The following UNC13C variants were observed in gnomAD, a reference collection of about 807,000 sequenced individuals.
UNC13C encodes the protein protein unc-13 homolog C.
Under a neutral mutation model 245.4 loss-of-function variants are expected in UNC13C, and 174 were observed. The ratio of observed to expected loss-of-function variants is 0.71; its 90% CI spans 0.63 to 0.80. The LOEUF is 0.80. Among genes scored for constraint, UNC13C ranks in the 30% least tolerant of loss-of-function variants. The probability of loss-of-function intolerance (pLI) is 0.00; values close to 1 mark genes in which losing one functional copy is unlikely to be tolerated. For missense variants in UNC13C, 2,829 were observed against 2,602.9 expected (o/e 1.09, Z -1.89); for synonymous variants, 992 against 895.1 (o/e 1.11, Z -1.93).
chr15:54,217,779 C>T (rs977738223), intron 4 of UNC13C, among the ~76,000 whole-genome samples: 1 of 126,558 alleles, frequency 7.9e-6, no homozygotes, highest in African/African-American at 2.5e-5. Context: ...ATTTCAGGCT[C>T]TTATCTTCTT....
intron 2 of UNC13C, among the ~76,000 whole-genome samples, chr15:54,121,366 T>C (rs1284171942): frequency 6.6e-6 from 1 of 152,074 alleles, no homozygotes; most frequent in Admixed American, 6.6e-5. Flanking sequence ...AATTAAGGCA[T>C]GCACATTATT....
the UNC13C span, among the ~76,000 whole-genome samples, chr15:53,889,481 A>G: frequency 6.6e-6 from 1 of 152,180 alleles, no homozygotes; most frequent in African/African-American, 2.4e-5. Context: ...CTAAATATAC[A>G]ATCATGTCAT....
In UNC13C at chr15:54,265,480, G is replaced by A. The variant is rs1176342761; in HGVS notation, c.3802G>A (p.Asp1268Asn). The change falls in exon 10 of 33, where the codon GAT becomes AAT. Residue 1268 changes from aspartate to asparagine, a missense_variant. By Grantham distance (23) the Asp-to-Asn change is conservative (BLOSUM62 1). Transcript: ENST00000260323. ...TTTTGGAAATTTGAATCCAGTATGG[G>A]ATGAGAAGTTTTATTTGTGAGTATA... ...TIFGNLNPVWDEKFYFECHNS... is the reference protein window; with the variant it reads ...TIFGNLNPVWNEKFYFECHNS... 6.5e-7 allele frequency: 1 copy of A among 1,546,042 alleles called. No homozygotes were observed. The highest frequency in any genetic ancestry group is 8.8e-7 in the Non-Finnish European group (1 of 1,142,662).
the UNC13C span, among the ~76,000 whole-genome samples, chr15:53,932,169 C>T: frequency 8.6e-5 from 13 of 151,856 alleles, no homozygotes; most frequent in South Asian, 2.1e-4. Flanking sequence ...ATTAGCTGGG[C>T]GTGGTGGCAC....
At chr15:53,978,318 G>T (rs546956534), upstream of UNC13C, among the ~76,000 whole-genome samples, 1 of 152,108 alleles carries the variant, frequency 6.6e-6, no homozygotes, top group Admixed American at 6.5e-5. Context: ...GCTACAGTGC[G>T]TCTCCTGTGA....
intron 1 of UNC13C, among the ~76,000 whole-genome samples, chr15:53,992,692 G>T (rs1416331141): frequency 6.6e-6 from 1 of 152,088 alleles, no homozygotes; most frequent in Non-Finnish European, 1.5e-5. Flanking sequence ...TAACTCTTAT[G>T]ATTAATTCCT....
chr15:54,383,648 TGGTG>T, intron 17 of UNC13C, among the ~76,000 whole-genome samples: 1 of 152,248 alleles, frequency 6.6e-6, no homozygotes, highest in Non-Finnish European at 1.5e-5. Context: ...CTATGCAACA[TGGTG>T]CTGGAAGTCT....
the UNC13C span, among the ~76,000 whole-genome samples, chr15:53,942,406 G>T: frequency 1.3e-5 from 2 of 152,082 alleles, no homozygotes; most frequent in African/African-American, 4.8e-5. Context: ...TGTTGGTGGG[G>T]ATGAGGGGAG....
At chr15:54,601,274 A>G (rs981397916) in intron 30 of UNC13C, among the ~76,000 whole-genome samples, 1 of 152,228 alleles carries the variant, frequency 6.6e-6, no homozygotes, top group African/African-American at 2.4e-5. Context: ...CAGGGAATCC[A>G]GAGGGTAATA....
intron 19 of UNC13C, among the ~76,000 whole-genome samples, chr15:54,464,661 G>A (rs990710043): frequency 1.3e-5 from 2 of 152,036 alleles, no homozygotes; most frequent in Non-Finnish European, 2.9e-5. Context: ...AATTTTAGAA[G>A]GAAGAACCTT....
chr15:53,902,309 G>A, the UNC13C span, among the ~76,000 whole-genome samples: 1 of 152,148 alleles, frequency 6.6e-6, no homozygotes, highest in Non-Finnish European at 1.5e-5. Flanking sequence ...ACAGGAGACA[G>A]ACAGATTGAA....
chr15:53,859,338 C>G, the UNC13C span, among the ~76,000 whole-genome samples: 1 of 152,090 alleles, frequency 6.6e-6, no homozygotes, highest in African/African-American at 2.4e-5. Flanking sequence ...ACAAAAATTA[C>G]AAATATGAAT....
intron 22 of UNC13C, among the ~76,000 whole-genome samples, chr15:54,503,187 A>C (rs1222598330): frequency 6.6e-6 from 1 of 152,184 alleles, no homozygotes; most frequent in Non-Finnish European, 1.5e-5. Flanking sequence ...AACAATATCC[A>C]ATTGTCAGCA....
chr15:54,030,273 G>C (rs1464642382), intron 2 of UNC13C, among the ~76,000 whole-genome samples: 1 of 152,024 alleles, frequency 6.6e-6, no homozygotes, highest in Non-Finnish European at 1.5e-5. Context: ...TTTTGCTCCT[G>C]AGGTGACAGA....
At chr15:53,923,665 T>C in the UNC13C span, among the ~76,000 whole-genome samples, 2 of 152,178 alleles carry the variant, frequency 1.3e-5, no homozygotes, top group Admixed American at 6.5e-5. Context: ...TAGGATTCAG[T>C]TGGAAAGAGA....
the UNC13C span, among the ~76,000 whole-genome samples, chr15:53,847,207 C>A: frequency 1.3e-5 from 2 of 152,092 alleles, no homozygotes; most frequent in African/African-American, 4.8e-5. Flanking sequence ...AAGATTTAGC[C>A]TAGATCTTGG....
chr15:54,342,594 C>G (rs568748255), intron 17 of UNC13C, among the ~76,000 whole-genome samples: 3 of 152,100 alleles, frequency 2.0e-5, no homozygotes, highest in African/African-American at 7.2e-5. Context: ...TATCACCTGT[C>G]CTTTCAGGAA....
chr15:53,895,501 CAT>C, the UNC13C span, among the ~76,000 whole-genome samples: 24 of 151,614 alleles, frequency 1.6e-4, no homozygotes, highest in African/African-American at 4.8e-4. Flanking sequence ...AAAATAAAAA[CAT>C]ATATTTTATA....
intron 4 of UNC13C, among the ~76,000 whole-genome samples, chr15:54,200,159 A>G (rs1316526308): frequency 6.6e-6 from 1 of 152,124 alleles, no homozygotes; most frequent in Non-Finnish European, 1.5e-5. Context: ...TGTGCACCTA[A>G]CACTAGAACT....
Sources: allele counts gnomAD v4.1 joint callset (sites outside exome capture counted in the v4.1 genomes callset), GRCh38; gene constraint gnomAD v4.1.1; transcripts MANE v1.5; gene names NCBI Gene and HGNC (gene_info 2026-07-23, HGNC 2026-07-21).